Variants in PCDHA11 observed in about 807,000 individuals in gnomAD.
PCDHA11 encodes the protein protocadherin alpha-11.
Under a neutral mutation model 70.3 loss-of-function variants are expected in PCDHA11, and 61 were observed. The observed-to-expected ratio is 0.87, with a 90% confidence interval of 0.71 to 1.07. The LOEUF (loss-of-function observed/expected upper bound fraction) is 1.07. Ranked by LOEUF, PCDHA11 falls within the 50% of genes least tolerant of loss-of-function variation. PCDHA11 has a pLI of 0.00. For synonymous variants in PCDHA11, 633 were observed against 555.1 expected (o/e 1.14, Z -1.97); for missense variants, 1,324 against 1,237.5 (o/e 1.07, Z -1.05).
At chr5:140,964,941 G>A (rs1223587543) in intron 1 of PCDHA11, among the ~76,000 whole-genome samples, 1 of 152,242 alleles carries the variant, frequency 6.6e-6, no homozygotes, top group African/African-American at 2.4e-5. Context: ...AGCATTGATA[G>A]TGAGTGTGCT....
At chr5:140,946,660 A>T (rs2094005518) in intron 1 of PCDHA11, among the ~76,000 whole-genome samples, 1 of 146,900 alleles carries the variant, frequency 6.8e-6, no homozygotes, top group African/African-American at 2.6e-5. Context: ...GCCATTAGAA[A>T]GAATGAAATC....
At chr5:140,974,894 A>C (rs1554236433) in intron 1 of PCDHA11, among the ~76,000 whole-genome samples, 2 of 152,184 alleles carry the variant, frequency 1.3e-5, no homozygotes, top group Admixed American at 6.5e-5. Context: ...TTTTCTGATG[A>C]TTTGTAACAA....
At chr5:140,918,241 G>C (rs1241592397) in intron 1 of PCDHA11, among the ~76,000 whole-genome samples, 4 of 152,162 alleles carry the variant, frequency 2.6e-5, no homozygotes, top group Admixed American at 1.3e-4. Flanking sequence ...CATTGATTTT[G>C]TATGCTGAAA....
At chr5:140,937,866 C>T (rs892440956) in intron 1 of PCDHA11, among the ~76,000 whole-genome samples, 4 of 150,734 alleles carry the variant, frequency 2.7e-5, no homozygotes, top group African/African-American at 4.9e-5. Flanking sequence ...GAGCCGAGAT[C>T]GCGCCACTGC....
intron 3 of PCDHA11, among the ~76,000 whole-genome samples, chr5:141,003,100 T>TTCACAATC (rs1311391173): frequency 6.6e-6 from 1 of 152,240 alleles, no homozygotes; most frequent in African/African-American, 2.4e-5. Flanking sequence ...TGGCATTTGC[T>TTCACAATC]TCACAATCTT....
chr5:140,907,114 G>A (rs1422379312), intron 1 of PCDHA11, among the ~76,000 whole-genome samples: 1 of 152,164 alleles, frequency 6.6e-6, no homozygotes, highest in Non-Finnish European at 1.5e-5. Context: ...TCCACCCCTT[G>A]ATTCCTGGAC....
In PCDHA11 at chr5:140,893,987, T is replaced by C. The variant is rs112405686; in HGVS notation, c.2391+22493T>C. Among the ~76,000 whole-genome samples, 507 of 152,320 alleles carry C rather than the reference T, an allele frequency of 3.3e-3. 2 individuals carry two copies. The highest frequency in any genetic ancestry group is 0.012 in the African/African-American group (487 of 41,562). ...TAGATACTTTTATAATTTTAAAATA[T>C]CTCCAATTGTATGGTTGGTTCAAAT... is the stretch of plus-strand genomic sequence containing the variant. On this transcript the variant is annotated intron_variant, in intron 1 of 3. Transcript: ENST00000398640.
chr5:140,902,563 G>C (rs1472097639), intron 1 of PCDHA11, among the ~76,000 whole-genome samples: 2 of 151,808 alleles, frequency 1.3e-5, no homozygotes, highest in African/African-American at 4.8e-5. Context: ...GATTTTTGAG[G>C]GTTTTTAAGA....
intron 1 of PCDHA11, among the ~76,000 whole-genome samples, chr5:140,922,015 A>G (rs1563050158): frequency 6.6e-6 from 1 of 152,098 alleles, no homozygotes; most frequent in Non-Finnish European, 1.5e-5. Context: ...AGTTTAAAAA[A>G]ATAAATATAA....
At chr5:140,919,841 GA>G (rs1318412572) in intron 1 of PCDHA11, among the ~76,000 whole-genome samples, 1 of 152,146 alleles carries the variant, frequency 6.6e-6, no homozygotes, top group Non-Finnish European at 1.5e-5. Context: ...GTAACCTTTG[GA>G]ACCTGTGACC....
At chr5:140,940,199 A>G (rs1253658459) in intron 1 of PCDHA11, among the ~76,000 whole-genome samples, 2 of 152,136 alleles carry the variant, frequency 1.3e-5, no homozygotes, top group Non-Finnish European at 2.9e-5. Flanking sequence ...CATGGGTGTA[A>G]AATTCAAGAT....
intron 1 of PCDHA11, among the ~76,000 whole-genome samples, chr5:140,910,952 G>A (rs1188072199): frequency 3.3e-5 from 5 of 152,082 alleles, no homozygotes; most frequent in African/African-American, 1.2e-4. Context: ...TTCTTTTCGA[G>A]TGTAGCACAC....
intron 1 of PCDHA11, among the ~76,000 whole-genome samples, chr5:140,975,697 AT>A (rs1375810410): frequency 1.3e-5 from 2 of 152,182 alleles, no homozygotes; most frequent in African/African-American, 4.8e-5. Flanking sequence ...TTTTAAACTT[AT>A]TTTACTTTAA....
At chr5:140,968,345 G>A in intron 1 of PCDHA11, 2 of 1,614,132 alleles carry the variant, frequency 1.2e-6, no homozygotes, top group Non-Finnish European at 8.5e-7. Flanking sequence ...CATTAACAGT[G>A]CCAGTGGCAG....
chr5:140,969,529 T>C, intron 1 of PCDHA11: 1 of 1,377,800 alleles, frequency 7.3e-7, no homozygotes, highest in Non-Finnish European at 9.7e-7. Flanking sequence ...GTTTTATTTT[T>C]CATTTTCAGA....
At chr5:140,902,560 G>T (rs558432897) in intron 1 of PCDHA11, among the ~76,000 whole-genome samples, 9 of 152,072 alleles carry the variant, frequency 5.9e-5, no homozygotes, top group Non-Finnish European at 1.2e-4. Flanking sequence ...CCAGATTTTT[G>T]AGGGTTTTTA....
At chr5:140,982,592 C>G (rs376230429) in intron 3 of PCDHA11, 29 bp downstream of exon 3, 3 of 1,610,372 alleles carry the variant, frequency 1.9e-6, no homozygotes, top group Non-Finnish European at 2.5e-6. Flanking sequence ...TCCATTCTTT[C>G]TTGGTTTCTG....
At chr5:140,922,476 G>C (rs1473614127) in intron 1 of PCDHA11, among the ~76,000 whole-genome samples, 2 of 152,184 alleles carry the variant, frequency 1.3e-5, no homozygotes, top group African/African-American at 4.8e-5. Context: ...AGGAGAGAAG[G>C]CAGGACTAAA....
chr5:140,909,202 G>A (rs1849054), intron 1 of PCDHA11, among the ~76,000 whole-genome samples: 48,059 of 152,084 alleles, frequency 0.32, 7,957 homozygotes, highest in East Asian at 0.53. Context: ...ACACAAAGCC[G>A]GAGAGTTGAT....
Sources: gnomAD v4.1 joint callset for allele counts (sites outside exome capture counted in the v4.1 genomes callset) on GRCh38, gnomAD v4.1.1 for gene constraint, MANE v1.5 for transcripts, NCBI Gene and HGNC (gene_info 2026-07-23, HGNC 2026-07-21) for gene names.